Variants in PLD1 observed in about 807,000 individuals in gnomAD.
PLD1 encodes the protein choline phosphatase 1.
PLD1 carries 112 observed loss-of-function variants against 137.1 expected under a neutral mutation model. The observed-to-expected ratio is 0.82, with a 90% CI of 0.70 to 0.96. The LOEUF is 0.96. Among genes scored for constraint, PLD1 ranks in the 40% least tolerant of loss-of-function variants. The pLI is 0.00. For synonymous variants in PLD1, 431 were observed against 454.7 expected (o/e 0.95, Z 0.66); for missense variants, 1,321 against 1,342.0 (o/e 0.98, Z 0.24).
intron 6 of PLD1, among the ~76,000 whole-genome samples, chr3:171,726,485 G>A (rs1718518859): frequency 6.6e-6 from 1 of 152,186 alleles, no homozygotes; most frequent in South Asian, 2.1e-4. Context: ...AAGATGGACT[G>A]GATTTGGGCC....
chr3:171,624,115 A>G (rs916993411), intron 23 of PLD1, among the ~76,000 whole-genome samples: 12 of 152,150 alleles, frequency 7.9e-5, no homozygotes, highest in African/African-American at 2.9e-4. Flanking sequence ...GGGAGAAAGT[A>G]TTTTCAGTAC....
chr3:171,627,120 C>T lies in PLD1; in HGVS notation c.2594-6600G>A, dbSNP rs372808522. Among the ~76,000 whole-genome samples, 1,503 of 152,096 alleles carry T rather than the reference C, an allele frequency of 9.9e-3. 13 individuals carry two copies. Among genetic ancestry groups the T allele is most frequent in the Non-Finnish European group, 0.016 (1,066 of 67,998 alleles). On this transcript the variant is annotated intron_variant, in intron 23 of 26. Transcript: ENST00000351298. ...TGCTGTATTCAGGAAACCCATCTCA[C>T]GTGCAGAGACACACATAGGCTCAAA...
intron 25 of PLD1, among the ~76,000 whole-genome samples, chr3:171,609,768 A>C (rs1448591073): frequency 1.3e-5 from 2 of 152,170 alleles, no homozygotes. Context: ...GTAGAGGTGG[A>C]GTGAAGGATG....
chr3:171,739,296 A>T (rs1719603627), intron 1 of PLD1, among the ~76,000 whole-genome samples: 1 of 152,230 alleles, frequency 6.6e-6, no homozygotes, highest in African/African-American at 2.4e-5. Flanking sequence ...AGCCCTTATT[A>T]TAACTCAATG....
At chr3:171,724,048 A>C (rs4894749) in intron 8 of PLD1, among the ~76,000 whole-genome samples, 2 of 151,926 alleles carry the variant, frequency 1.3e-5, no homozygotes, top group African/African-American at 4.8e-5. Flanking sequence ...GATGAACATT[A>C]GAATTGTTTC....
intron 1 of PLD1, among the ~76,000 whole-genome samples, chr3:171,764,825 GAGAAAGAA>G (rs1226169438): frequency 0.085 from 1,925 of 22,548 alleles, 39 homozygotes; most frequent in Admixed American, 0.1. Flanking sequence ...AAGAAAGAAA[GAGAAAGAA>G]AGAAAGAAAG....
intron 8 of PLD1, among the ~76,000 whole-genome samples, chr3:171,718,998 G>T (rs1443350287): frequency 6.6e-6 from 1 of 152,070 alleles, no homozygotes; most frequent in African/African-American, 2.4e-5. Flanking sequence ...ATGCAGATAA[G>T]CCCACTTGAG....
intron 9 of PLD1, among the ~76,000 whole-genome samples, chr3:171,710,020 G>A (rs1717030881): frequency 6.6e-6 from 1 of 152,136 alleles, no homozygotes; most frequent in Middle Eastern, 3.4e-3. Flanking sequence ...TTAAGTATTA[G>A]TTAGAGAGCT....
At chr3:171,705,254 T>TAAC (rs1716591426) in intron 11 of PLD1, among the ~76,000 whole-genome samples, 1 of 152,182 alleles carries the variant, frequency 6.6e-6, no homozygotes, top group Non-Finnish European at 1.5e-5. Flanking sequence ...AAATAATGGC[T>TAAC]AACAATTTCT....
chr3:171,758,025 TCTC>T (rs748748386), intron 1 of PLD1, among the ~76,000 whole-genome samples: 1 of 152,264 alleles, frequency 6.6e-6, no homozygotes, highest in Non-Finnish European at 1.5e-5. Context: ...ACCAATTAAA[TCTC>T]CTCTGAAATT....
At chr3:171,804,269 A>T (rs917974746) in intron 1 of PLD1, among the ~76,000 whole-genome samples, 3 of 152,210 alleles carry the variant, frequency 2.0e-5, no homozygotes, top group African/African-American at 4.8e-5. Flanking sequence ...GAAAAAGATC[A>T]ATGAAGTGAG....
chr3:171,741,319 G>A (rs1046523477), intron 1 of PLD1, among the ~76,000 whole-genome samples: 1 of 152,098 alleles, frequency 6.6e-6, no homozygotes, highest in Non-Finnish European at 1.5e-5. Flanking sequence ...TATGTCCATG[G>A]GCATTGTGTG....
intron 8 of PLD1, among the ~76,000 whole-genome samples, chr3:171,716,610 T>A (rs557941559): frequency 6.6e-6 from 1 of 152,330 alleles, no homozygotes; most frequent in Non-Finnish European, 1.5e-5. Context: ...GCTTGTAAAT[T>A]TGTTTAAATT....
intron 19 of PLD1, among the ~76,000 whole-genome samples, chr3:171,671,044 A>G (rs1203887437): frequency 6.6e-6 from 1 of 152,204 alleles, no homozygotes; most frequent in Non-Finnish European, 1.5e-5. Flanking sequence ...TACCAAACAT[A>G]AGTCTTTCAG....
At chr3:171,604,753 T>C (rs1398921398) in intron 26 of PLD1, among the ~76,000 whole-genome samples, 5 of 152,230 alleles carry the variant, frequency 3.3e-5, no homozygotes, top group Admixed American at 6.5e-5. Context: ...TGTCTTGTTA[T>C]TAATATTAAC....
At chr3:171,764,998 GAAAGAAAGA>G (rs1721873907) in intron 1 of PLD1, 1 of 133,354 alleles carries the variant, frequency 7.5e-6, no homozygotes, top group Non-Finnish European at 1.6e-5. Flanking sequence ...AAGAAAGAAA[GAAAGAAAGA>G]GAAAAAGAAA....
At chr3:171,696,530 CAGAT>C in intron 12 of PLD1, among the ~76,000 whole-genome samples, 1 of 152,220 alleles carries the variant, frequency 6.6e-6, no homozygotes, top group East Asian at 1.9e-4. Flanking sequence ...TCTGCACAAT[CAGAT>C]AGAAGAAAAT....
chr3:171,720,213 G>A (rs185532685), intron 8 of PLD1, among the ~76,000 whole-genome samples: 1 of 148,520 alleles, frequency 6.7e-6, no homozygotes, highest in Non-Finnish European at 1.5e-5. Context: ...AGGATCGCTT[G>A]AGCTCAGGAG....
intron 1 of PLD1, among the ~76,000 whole-genome samples, chr3:171,782,117 A>C (rs1231357914): frequency 6.6e-6 from 1 of 152,258 alleles, no homozygotes; most frequent in Non-Finnish European, 1.5e-5. Flanking sequence ...GCTGAGTGAA[A>C]GAAGCCTTAC....
Sources: allele counts gnomAD v4.1 joint callset (sites outside exome capture counted in the v4.1 genomes callset), GRCh38; gene constraint gnomAD v4.1.1; transcripts MANE v1.5; gene names NCBI Gene and HGNC (gene_info 2026-07-23, HGNC 2026-07-21).